Variants in ALPK2 observed in about 807,000 individuals in gnomAD.
ALPK2 encodes the protein alpha-protein kinase 2.
ALPK2 carries 127 observed loss-of-function variants against 163.1 expected under a neutral mutation model. That is an observed-to-expected ratio of 0.78 (90% confidence interval 0.67 to 0.90). ALPK2 has a LOEUF of 0.90. Ranked by LOEUF, ALPK2 falls within the 40% of genes least tolerant of loss-of-function variation. The probability of loss-of-function intolerance (pLI) is 0.00; values close to 1 mark genes in which losing one functional copy is unlikely to be tolerated. For missense variants in ALPK2, 2,360 were observed against 2,589.6 expected (o/e 0.91, Z 1.92); for synonymous variants, 953 against 959.1 (o/e 0.99, Z 0.12).
rs564739817 is a variant in ALPK2 at position 58,504,180 on chromosome 18, A to G, written c.6030-32T>C. On this transcript the variant is annotated intron_variant, in intron 10 of 12. Transcript: ENST00000361673. ...GGGAAGAGAACACAGGCGCACATCAAGGTCTCTACTGGGAAGAGAGGCTCC... is the reference window on the plus strand; with the variant it reads ...GGGAAGAGAACACAGGCGCACATCAGGGTCTCTACTGGGAAGAGAGGCTCC... 46 of 1,577,364 alleles carry G rather than the reference A, an allele frequency of 2.9e-5. No individual in the cohort carries two copies. The South Asian group carries it at 4.0e-4, about 14-fold the overall frequency.
intron 11 of ALPK2, among the ~76,000 whole-genome samples, chr18:58,499,784 C>T (rs1280136361): frequency 6.6e-5 from 10 of 152,240 alleles, no homozygotes; most frequent in Non-Finnish European, 1.0e-4. Context: ...ACCTCCAGCA[C>T]GTGACTTGCC....
chr18:58,492,107 C>T (rs1270087301), intron 12 of ALPK2, among the ~76,000 whole-genome samples: 1 of 152,152 alleles, frequency 6.6e-6, no homozygotes, highest in African/African-American at 2.4e-5. Context: ...TTCCCACAGG[C>T]TCCTTCCCCT....
rs528159085 is a variant in ALPK2 at position 58,524,144 on chromosome 18, C to T, written c.5502-82G>A. On this transcript the variant is annotated intron_variant, in intron 6 of 12. Transcript: ENST00000361673. ...CCTAATATACTTAAGGAGAAAGAAGCTAAGACTTCCCTGCTCACATGTTTT... is the reference window on the plus strand; with the variant it reads ...CCTAATATACTTAAGGAGAAAGAAGTTAAGACTTCCCTGCTCACATGTTTT... 10 of 1,518,712 alleles carry T rather than the reference C, an allele frequency of 6.6e-6. No individual in the cohort carries two copies. The African/African-American group carries it at 1.4e-4, about 21-fold the overall frequency. 94.1% of individuals were successfully genotyped at this position (1,518,712 alleles called of 1,614,324 possible).
chr18:58,590,851 G>C (rs1409843705), intron 3 of ALPK2, among the ~76,000 whole-genome samples: 4 of 152,174 alleles, frequency 2.6e-5, no homozygotes, highest in Admixed American at 1.3e-4. Flanking sequence ...TCAGAGCTGT[G>C]TCTCTCCCAG....
At chr18:58,570,065 G>A (rs1263156918) in intron 4 of ALPK2, among the ~76,000 whole-genome samples, 1 of 150,720 alleles carries the variant, frequency 6.6e-6, no homozygotes, top group African/African-American at 2.5e-5. Flanking sequence ...AGGAGGCGGA[G>A]GTTGCAGTGA....
chr18:58,608,986 G>GAAAAT (rs1568100334), intron 2 of ALPK2, among the ~76,000 whole-genome samples: 1 of 150,814 alleles, frequency 6.6e-6, no homozygotes, highest in South Asian at 2.1e-4. Flanking sequence ...GAAAAGAAAA[G>GAAAAT]AAAAAACGGA....
chr18:58,602,095 C>T (rs2052073447), intron 3 of ALPK2, among the ~76,000 whole-genome samples: 1 of 152,158 alleles, frequency 6.6e-6, no homozygotes, highest in Non-Finnish European at 1.5e-5. Flanking sequence ...ATTTCCCCTT[C>T]AAATCCTTGA....
chr18:58,543,422 G>T, intron 4 of ALPK2: 1 of 985,316 alleles, frequency 1.0e-6, no homozygotes, highest in Non-Finnish European at 1.2e-6. Flanking sequence ...CAGTCTGTGC[G>T]TTGATACAGG....
chr18:58,627,250 T>A (rs7227596), intron 1 of ALPK2, among the ~76,000 whole-genome samples: 1 of 152,036 alleles, frequency 6.6e-6, no homozygotes, highest in Non-Finnish European at 1.5e-5. Flanking sequence ...AAAAACTTTG[T>A]AGGTAATGAC....
chr18:58,529,220 T>C lies in ALPK2; in HGVS notation c.5372A>G (p.Lys1791Arg). ...REGRAPVLLK[K>R]IQAEMFPEHS... ...TTCAGGGAACATCTCAGCTTGGATC[T>C]TTTTCAGTAATACTGGAGCTAGAAA... The change falls in exon 6 of 13, where the codon AAG (lysine) becomes AGG (arginine). Residue 1791 changes from lysine to arginine, a missense_variant. Physicochemically the swap from Lys to Arg is conservative, Grantham distance 26. Transcript: ENST00000361673. 1 of 1,611,314 alleles carries C rather than the reference T, an allele frequency of 6.2e-7. No homozygotes were observed. Among genetic ancestry groups the C allele is most frequent in the Non-Finnish European group, 8.5e-7 (1 of 1,178,678 alleles).
intron 10 of ALPK2, chr18:58,511,949 C>G (rs1185342878): frequency 1.3e-5 from 2 of 152,226 alleles, no homozygotes; most frequent in African/African-American, 2.4e-5. Context: ...ATGCCAGAGT[C>G]TTTGAGACAT....
Position 58,537,070 on chromosome 18 carries a change from C to T in ALPK2, c.3117G>A (p.Arg1039=), listed in dbSNP as rs772996837. The T allele has an allele frequency of 6.2e-6, 10 of 1,614,082 alleles. No homozygotes were observed. The East Asian group carries it at 1.6e-4, about 25-fold the overall frequency. The change falls in exon 5 of 13, where the codon AGG becomes AGA. Residue 1039 remains arginine (R), a synonymous_variant. Coordinates refer to ENST00000361673, the MANE Select transcript of ALPK2 (RefSeq NM_052947.4). ...CCTTTTCATGGGATGCACGAGGGAACCTCTCCTCAGTGCCACCTGCATGCT... is the reference window on the plus strand; with the variant it reads ...CCTTTTCATGGGATGCACGAGGGAATCTCTCCTCAGTGCCACCTGCATGCT... ...EDKHAGGTEE[R]FPRASHEKVS...
intron 8 of ALPK2, among the ~76,000 whole-genome samples, chr18:58,519,348 A>G (rs73445133): frequency 1.3e-5 from 2 of 152,296 alleles, no homozygotes; most frequent in East Asian, 3.8e-4. Flanking sequence ...TAATACCACT[A>G]ACAGAGTATA....
intron 4 of ALPK2, among the ~76,000 whole-genome samples, chr18:58,557,488 A>G (rs1330660492): frequency 1.3e-5 from 2 of 152,020 alleles, no homozygotes; most frequent in African/African-American, 4.8e-5. Flanking sequence ...TGCCGTGTAG[A>G]TAGTAGGGGA....
At chr18:58,543,087 G>C (rs760273958) in intron 4 of ALPK2, among the ~76,000 whole-genome samples, 14 of 152,118 alleles carry the variant, frequency 9.2e-5, no homozygotes, top group Non-Finnish European at 1.6e-4. Flanking sequence ...CAAGGGAGGG[G>C]ACCTGGAGGC....
intron 12 of ALPK2, among the ~76,000 whole-genome samples, chr18:58,490,197 G>T (rs1305042958): frequency 6.6e-6 from 1 of 152,200 alleles, no homozygotes; most frequent in Admixed American, 6.5e-5. Context: ...AATTCATGGA[G>T]CTTTTGAGGG....
At chr18:58,505,927 C>T (rs1234855586) in intron 10 of ALPK2, among the ~76,000 whole-genome samples, 1 of 152,176 alleles carries the variant, frequency 6.6e-6, no homozygotes, top group Non-Finnish European at 1.5e-5. Flanking sequence ...CTCTGCTTCA[C>T]TGGCTACCTC....
intron 4 of ALPK2, among the ~76,000 whole-genome samples, chr18:58,539,929 G>T (rs1157720853): frequency 6.6e-6 from 1 of 152,130 alleles, no homozygotes; most frequent in Non-Finnish European, 1.5e-5. Flanking sequence ...CTACTTTGAG[G>T]TTCATTTAAC....
In ALPK2 at chr18:58,611,819, T is replaced by TA; in HGVS notation, c.-20-3_-20-2insT. ...TCATCCTTTCATGCCGCACCAAATC[T>TA]GAAAAAAAAAAAAATCCCCGACATC... On this transcript the variant is annotated splice_region_variant and splice_polypyrimidine_tract_variant and intron_variant, in intron 1 of 12. Transcript: ENST00000361673. 6.9e-7 allele frequency: 1 copy of TA among 1,452,378 alleles called. No homozygotes were observed. The highest frequency in any genetic ancestry group is 9.4e-7 in the Non-Finnish European group (1 of 1,067,810). The allele number at this position is 1,452,378 out of a possible 1,614,324, so 90.0% of individuals were successfully genotyped here.
Sources: gnomAD v4.1 joint callset for allele counts (sites outside exome capture counted in the v4.1 genomes callset) on GRCh38, gnomAD v4.1.1 for gene constraint, MANE v1.5 for transcripts, NCBI Gene and HGNC (gene_info 2026-07-23, HGNC 2026-07-21) for gene names.